The following MBOAT1 variants were observed in gnomAD, a reference collection of about 807,000 sequenced individuals.
MBOAT1 encodes membrane-bound glycerophospholipid O-acyltransferase 1.
In MBOAT1, 67 loss-of-function variants were observed where a neutral mutation model predicts 64.4. The ratio of observed to expected loss-of-function variants is 1.04; its 90% CI spans 0.85 to 1.27. The LOEUF (loss-of-function observed/expected upper bound fraction) is 1.27, where lower values mean the gene tolerates loss of function less well. Ranked by LOEUF, MBOAT1 falls within the 50% of genes most tolerant of loss-of-function variation. The probability of loss-of-function intolerance (pLI) is 0.00; values close to 1 mark genes in which losing one functional copy is unlikely to be tolerated. For missense variants in MBOAT1, 563 were observed against 604.6 expected (o/e 0.93, Z 0.72); for synonymous variants, 229 against 218.9 (o/e 1.05, Z -0.41).
intron 9 of MBOAT1, among the ~76,000 whole-genome samples, chr6:20,116,440 T>G (rs1403876016): frequency 6.6e-6 from 1 of 152,220 alleles, no homozygotes; most frequent in Non-Finnish European, 1.5e-5. Flanking sequence ...TGAAGTGTTT[T>G]CAACCGTAAG....
At chr6:20,181,678 T>C (rs769905679) in intron 1 of MBOAT1, among the ~76,000 whole-genome samples, 14 of 152,300 alleles carry the variant, frequency 9.2e-5, no homozygotes, top group Admixed American at 5.2e-4. Context: ...GCGGCCTCGG[T>C]GCCCACGCGT....
intron 1 of MBOAT1, among the ~76,000 whole-genome samples, chr6:20,205,897 A>G (rs886975372): frequency 4.0e-5 from 6 of 151,846 alleles, no homozygotes; most frequent in Admixed American, 1.3e-4. Flanking sequence ...CTGAGACCCT[A>G]GGGGGGCCAC....
intron 3 of MBOAT1, among the ~76,000 whole-genome samples, chr6:20,148,474 T>G (rs1761392945): frequency 6.6e-6 from 1 of 152,178 alleles, no homozygotes; most frequent in African/African-American, 2.4e-5. Context: ...CCTCCTCTTC[T>G]CAGCCATGTA....
chr6:20,164,241 C>T (rs1308007055), intron 1 of MBOAT1, among the ~76,000 whole-genome samples: 1 of 151,734 alleles, frequency 6.6e-6, no homozygotes, highest in Non-Finnish European at 1.5e-5. Flanking sequence ...GAAATTTTTC[C>T]TGTGGCTCAG....
intron 1 of MBOAT1, among the ~76,000 whole-genome samples, chr6:20,202,397 A>G (rs187923030): frequency 1.6e-3 from 239 of 152,244 alleles, no homozygotes; most frequent in African/African-American, 5.2e-3. Context: ...TTATAATAAA[A>G]TGATAGTTTG....
rs1222835833 is a variant in MBOAT1, at chr6:20,115,275, T to C, written c.1076+13A>G. ...AGTGCCCTAAGTAATGAGGTCGTTT[T>C]TGTTTTTCTTACCACTTTAGCCAAG... On this transcript the variant is annotated intron_variant, in intron 10 of 12. Coordinates refer to ENST00000324607, the MANE Select transcript of MBOAT1 (RefSeq NM_001080480.3). 6.2e-7 allele frequency: 1 copy of C among 1,609,100 alleles called. No homozygotes were observed. Among genetic ancestry groups the C allele is most frequent in the East Asian group, 2.2e-5 (1 of 44,864 alleles).
At chr6:20,191,256 T>A (rs1166988744) in intron 1 of MBOAT1, among the ~76,000 whole-genome samples, 4 of 152,198 alleles carry the variant, frequency 2.6e-5, no homozygotes, top group African/African-American at 9.7e-5. Flanking sequence ...CACCCTGGGA[T>A]GACCCCTTGC....
intron 12 of MBOAT1, among the ~76,000 whole-genome samples, chr6:20,103,874 T>C (rs1442478241): frequency 6.6e-6 from 1 of 152,216 alleles, no homozygotes; most frequent in Non-Finnish European, 1.5e-5. Context: ...ACAGACTAAG[T>C]GTATGGTGTT....
chr6:20,108,522 A>G (rs1281341428), intron 12 of MBOAT1, among the ~76,000 whole-genome samples: 1 of 152,242 alleles, frequency 6.6e-6, no homozygotes, highest in Non-Finnish European at 1.5e-5. Flanking sequence ...CCTCAAAAAA[A>G]TCATCCCACT....
chr6:20,161,885 T>C (rs1247940390), intron 1 of MBOAT1, among the ~76,000 whole-genome samples: 1 of 152,204 alleles, frequency 6.6e-6, no homozygotes, highest in South Asian at 2.1e-4. Flanking sequence ...GGAGGGTGGG[T>C]TGGGGGGCAA....
At chr6:20,166,109 T>C (rs1004064800) in intron 1 of MBOAT1, among the ~76,000 whole-genome samples, 12 of 152,116 alleles carry the variant, frequency 7.9e-5, no homozygotes, top group African/African-American at 2.4e-4. Context: ...ATATTTACTT[T>C]CAAAATCCAA....
At chr6:20,147,203 G>A (rs1761350380) in intron 3 of MBOAT1, among the ~76,000 whole-genome samples, 2 of 152,216 alleles carry the variant, frequency 1.3e-5, no homozygotes, top group South Asian at 4.1e-4. Context: ...AAATTACCCA[G>A]TCTCAGGTAT....
chr6:20,187,415 A>G (rs181715771), intron 1 of MBOAT1, among the ~76,000 whole-genome samples: 1 of 152,376 alleles, frequency 6.6e-6, no homozygotes, highest in Admixed American at 6.5e-5. Context: ...GCCCCTCCAC[A>G]TGCAACTAAT....
intron 1 of MBOAT1, among the ~76,000 whole-genome samples, chr6:20,167,043 T>C (rs1013695395): frequency 1.3e-5 from 2 of 152,182 alleles, no homozygotes; most frequent in Non-Finnish European, 2.9e-5. Context: ...TTAATGAAGA[T>C]AATGATTTGA....
rs771699489 is a variant in MBOAT1, at chr6:20,152,647, A to G, written c.222T>C (p.Tyr74=). Residue 74 remains tyrosine, a synonymous_variant, in exon 2 of 13, where the codon TAT becomes TAC. Coordinates refer to ENST00000324607, the MANE Select transcript of MBOAT1 (RefSeq NM_001080480.3). ...ACCAGCCGAAACAAAAGATGACAAA[A>G]TAGATGCCAAAAATGGTGGCAACCG... The part of the protein sequence containing the change: ...RHAVATIFGI[Y]FVIFCFGWYS... 1.9e-6 allele frequency: 3 copies of G among 1,610,906 alleles called. No homozygotes were observed. Among genetic ancestry groups the G allele is most frequent in the African/African-American group, 2.7e-5 (2 of 74,852 alleles).
At chr6:20,203,800 TAA>T (rs59442669) in intron 1 of MBOAT1, among the ~76,000 whole-genome samples, 5,089 of 139,640 alleles carry the variant, frequency 0.036, 103 homozygotes, top group Non-Finnish European at 0.057. Flanking sequence ...TGGGCCCGTT[TAA>T]AAAAAAAAAA....
intron 4 of MBOAT1, among the ~76,000 whole-genome samples, chr6:20,141,612 C>A (rs532020484): frequency 2.6e-5 from 4 of 152,024 alleles, no homozygotes; most frequent in Middle Eastern, 3.4e-3. Context: ...TGAGCTCAAG[C>A]GATCCTCTTC....
At chr6:20,152,585 C>A in intron 2 of MBOAT1, 39 bp downstream of exon 2, 1 of 1,570,146 alleles carries the variant, frequency 6.4e-7, no homozygotes, top group Non-Finnish European at 8.7e-7. Flanking sequence ...ACAAAACATC[C>A]AAATGACCAA....
At chr6:20,141,152 C>T (rs1422818852) in intron 4 of MBOAT1, among the ~76,000 whole-genome samples, 1 of 151,908 alleles carries the variant, frequency 6.6e-6, no homozygotes, top group Non-Finnish European at 1.5e-5. Context: ...TCCAGGTTGA[C>T]AAAGATAGGA....
Sources: gnomAD v4.1 joint callset for allele counts (sites outside exome capture counted in the v4.1 genomes callset) on GRCh38, gnomAD v4.1.1 for gene constraint, MANE v1.5 for transcripts, NCBI Gene and HGNC (gene_info 2026-07-23, HGNC 2026-07-21) for gene names.